CDC25C: variants seen among roughly 807,000 people sequenced by gnomAD.
The protein encoded by CDC25C is cell division cycle 25C.
In CDC25C, 48 loss-of-function variants were observed where a neutral mutation model predicts 52.5. That is an observed-to-expected ratio of 0.91 (90% confidence interval 0.72 to 1.16). CDC25C has a LOEUF of 1.16. Ranked by LOEUF, CDC25C falls within the 50% of genes most tolerant of loss-of-function variation. The pLI is 0.00. For missense variants in CDC25C, 510 were observed against 566.1 expected (o/e 0.90, Z 1.01); for synonymous variants, 187 against 206.5 (o/e 0.91, Z 0.81).
Position 138,285,404 on chromosome 5 carries a change from G to A in CDC25C, c.*288C>T. 1 of 331,458 alleles carries A rather than the reference G, an allele frequency of 3.0e-6. No individual in the cohort carries two copies. Among genetic ancestry groups the A allele is most frequent in the Non-Finnish European group, 5.5e-6 (1 of 181,880 alleles). 20.5% of individuals were successfully genotyped at this position (331,458 alleles called of 1,614,324 possible). A position where few individuals can be genotyped will look rare whatever the true frequency, so the allele number is the denominator to read the frequency against. On this transcript the variant is annotated 3_prime_UTR_variant, in exon 14 of 14. Transcript: ENST00000323760. ...AGAGAGAAAGAGTTGGCTGGCTTGT[G>A]AGAAGACATGAGGAGTTGGGAAAAG... is the stretch of plus-strand genomic sequence containing the variant.
In CDC25C at chr5:138,331,187, C is replaced by T; in HGVS notation, c.-7G>A. Reference sequence around the variant, plus strand: ...AGAAGAGTTCCGTAGACATGGTCTTCGAATTCTCACCAGGAGAAAAACAAA... The same window carrying T: ...AGAAGAGTTCCGTAGACATGGTCTTTGAATTCTCACCAGGAGAAAAACAAA... On this transcript the variant is annotated 5_prime_UTR_variant, in exon 2 of 14. Transcript: ENST00000323760. 6.2e-7 allele frequency: 1 copy of T among 1,613,826 alleles called. No homozygotes were observed. Among genetic ancestry groups the T allele is most frequent in the East Asian group, 2.2e-5 (1 of 44,878 alleles).
chr5:138,331,235 A>G lies in CDC25C; in HGVS notation c.-38-17T>C. The stretch of plus-strand genomic sequence containing the variant: ...AAAACCTAGCTAGGAGGAAAACGTC[A>G]TCTAAATCGGTACATCACAGTTCCC... On this transcript the variant is annotated splice_polypyrimidine_tract_variant and intron_variant, in intron 1 of 13. Transcript: ENST00000323760. 6.6e-7 allele frequency: 1 copy of G among 1,526,258 alleles called. No individual in the cohort carries two copies. Among genetic ancestry groups the G allele is most frequent in the Non-Finnish European group, 9.1e-7 (1 of 1,103,518 alleles). 94.5% of individuals were successfully genotyped at this position (1,526,258 alleles called of 1,614,324 possible).
chr5:138,319,089 T>G, intron 7 of CDC25C, 130 bp downstream of exon 7: 1 of 724,108 alleles, frequency 1.4e-6, no homozygotes, highest in African/African-American at 1.8e-5. Context: ...GTTCTGGCTA[T>G]GAGGGTTGCT....
rs1756162141 is a variant in CDC25C at position 138,285,808 on chromosome 5, G to C, written c.1306C>G (p.His436Asp). 1 of 1,614,118 alleles carries C rather than the reference G, an allele frequency of 6.2e-7. No individual in the cohort carries two copies. The highest frequency in any genetic ancestry group is 8.5e-7 in the Non-Finnish European group (1 of 1,179,962). ...LCEPQSYCPMHHQDHKTELLR... is the reference protein window; with the variant it reads ...LCEPQSYCPMDHQDHKTELLR... ...AACTCAGTCTTGTGGTCCTGATGAT[G>C]CATAGGGCAGTAGCTCTGTGGTTCA... The change falls in exon 14 of 14, where the codon CAT becomes GAT. Residue 436 changes from histidine to aspartate, a missense_variant. Transcript: ENST00000323760.
chr5:138,317,701 AAAAAAACCAAAAACC>A (rs1303905131), intron 7 of CDC25C, among the ~76,000 whole-genome samples: 1 of 149,528 alleles, frequency 6.7e-6, no homozygotes, highest in African/African-American at 2.4e-5. Flanking sequence ...AAAAAAAAAA[AAAAAAACCAAAAACC>A]AAAAACCAAA....
Position 138,296,980 on chromosome 5 carries a change from G to A in CDC25C, c.616-4864C>T, listed in dbSNP as rs1396626230. ...GGGTGGAGTGCAGTGGCACGATCTC[G>A]GCTCACTGCAAGCTCTGCCTCGCGG... On this transcript the variant is annotated intron_variant, in intron 7 of 13. Transcript: ENST00000323760. Among the ~76,000 whole-genome samples, 3 of 142,384 alleles carry A rather than the reference G, an allele frequency of 2.1e-5. No homozygotes were observed. The South Asian group carries it at 6.5e-4, about 31-fold the overall frequency. The allele number at this position is 142,384 out of a possible 152,430, so 93.4% of individuals were successfully genotyped here. A position where few individuals can be genotyped will look rare whatever the true frequency, so the allele number is the denominator to read the frequency against.
intron 1 of CDC25C, chr5:138,337,849 G>T: frequency 1.5e-6 from 1 of 669,884 alleles, no homozygotes; most frequent in Non-Finnish European, 2.2e-6. Context: ...GGGCAGCAGA[G>T]CAGGTGAGGG....
chr5:138,337,283 A>G (rs565365370), intron 1 of CDC25C: 2 of 152,638 alleles, frequency 1.3e-5, no homozygotes, highest in South Asian at 3.9e-4. Context: ...CAATCTCTTT[A>G]AAAAAGACTT....
chr5:138,336,014 CAA>C (rs1261937035), upstream of CDC25C, among the ~76,000 whole-genome samples: 3 of 151,718 alleles, frequency 2.0e-5, no homozygotes, highest in Non-Finnish European at 2.9e-5. Flanking sequence ...TTTCATTTGT[CAA>C]AGAGAAGGTT....
Position 138,286,572 on chromosome 5 carries a change from A to G in CDC25C, c.1085T>C (p.Ile362Thr), listed in dbSNP as rs1283950099. 1 of 1,613,910 alleles carries G rather than the reference A, an allele frequency of 6.2e-7. No homozygotes were observed. Among genetic ancestry groups the G allele is most frequent in the South Asian group, 1.1e-5 (1 of 91,076 alleles). ...TCTCTTCTGGGTGTCCAAAGGGACG[A>G]TGGGCTTCTTCAGAAAGAAGTTAAA... ...ELFNFFLKKPIVPLDTQKRII... is the reference protein window; with the variant it reads ...ELFNFFLKKPTVPLDTQKRII... Residue 362 changes from isoleucine to threonine, a missense_variant, in exon 12 of 14, where the codon ATC (isoleucine) becomes ACC (threonine). Physicochemically the swap from Ile to Thr is moderately conservative, Grantham distance 89. Coordinates refer to ENST00000323760, the MANE Select transcript of CDC25C (RefSeq NM_001790.5).
intron 7 of CDC25C, among the ~76,000 whole-genome samples, chr5:138,301,705 A>AT (rs371753855): frequency 0.93 from 108,427 of 116,134 alleles, 51,048 homozygotes; most frequent in Non-Finnish European, 0.99. Flanking sequence ...AAAAAAAAAA[A>AT]TTTTTTTTTT....
chr5:138,313,525 GT>G (rs553802436), intron 7 of CDC25C, among the ~76,000 whole-genome samples: 54 of 151,462 alleles, frequency 3.6e-4, no homozygotes, highest in African/African-American at 1.2e-3. Context: ...TGTAAATTTT[GT>G]TTTACCATAA....
chr5:138,285,857 C>G lies in CDC25C; in HGVS notation c.1273-16G>C. The G allele has an allele frequency of 6.2e-7, 1 of 1,613,696 alleles. No individual in the cohort carries two copies. The highest frequency in any genetic ancestry group is 2.2e-5 in the East Asian group (1 of 44,880). On this transcript the variant is annotated splice_polypyrimidine_tract_variant and intron_variant, in intron 13 of 13. Coordinates refer to ENST00000323760, the MANE Select transcript of CDC25C (RefSeq NM_001790.5). The stretch of plus-strand genomic sequence containing the variant: ...CACACAGTTCCTGAAAGGTAAGGAA[C>G]AGAGTAAGGGATTCTCTAGACTCCT...
rs1354582245 is a variant in CDC25C, at chr5:138,292,015, A to G, written c.717T>C (p.Asp239=). 1.9e-6 allele frequency: 3 copies of G among 1,610,924 alleles called. No homozygotes were observed. The highest frequency in any genetic ancestry group is 2.5e-6 in the Non-Finnish European group (3 of 1,178,498). The change falls in exon 8 of 14, where the codon GAT becomes GAC. Residue 239 remains aspartate (D), a synonymous_variant. Coordinates refer to ENST00000323760, the MANE Select transcript of CDC25C (RefSeq NM_001790.5). ...CAGAAAAATACTTTTTTTTAACTTT[A>G]TCTGGTATTGTGTTGTCCTTGAATT... is the stretch of plus-strand genomic sequence containing the variant. The part of the protein sequence containing the change: ...VEKFKDNTIP[D]KVKKKYFSGQ...
At chr5:138,289,263 A>C (rs1377793815) in intron 10 of CDC25C, among the ~76,000 whole-genome samples, 1 of 152,094 alleles carries the variant, frequency 6.6e-6, no homozygotes, top group African/African-American at 2.4e-5. Flanking sequence ...GTGAGCCACC[A>C]TGCCTGACCC....
chr5:138,304,498 A>G (rs1177282987), intron 7 of CDC25C, among the ~76,000 whole-genome samples: 1 of 126,658 alleles, frequency 7.9e-6, no homozygotes, highest in South Asian at 2.5e-4. Context: ...CCTGCTTCCA[A>G]CTCTTTTTTT....
intron 6 of CDC25C, among the ~76,000 whole-genome samples, chr5:138,320,161 C>A (rs1759242419): frequency 6.6e-6 from 1 of 151,854 alleles, no homozygotes; most frequent in African/African-American, 2.4e-5. Flanking sequence ...AAAAATTAGC[C>A]GGGCATGGTA....
intron 7 of CDC25C, among the ~76,000 whole-genome samples, chr5:138,314,549 A>C (rs1580776320): frequency 7.1e-6 from 1 of 141,346 alleles, no homozygotes; most frequent in African/African-American, 2.7e-5. Context: ...ACCCACCTTG[A>C]CCTCCCAAAG....
intron 7 of CDC25C, among the ~76,000 whole-genome samples, chr5:138,297,704 G>A (rs149798915): frequency 2.6e-4 from 39 of 152,240 alleles, no homozygotes; most frequent in African/African-American, 8.9e-4. Context: ...AGGTGACATA[G>A]CAATGAACAA....
Sources: allele counts gnomAD v4.1 joint callset (sites outside exome capture counted in the v4.1 genomes callset), GRCh38; gene constraint gnomAD v4.1.1; transcripts MANE v1.5; gene names NCBI Gene and HGNC (gene_info 2026-07-23, HGNC 2026-07-21).